The following VPS13D variants were observed in gnomAD, a reference collection of about 807,000 sequenced individuals.
The protein encoded by VPS13D is intermembrane lipid transfer protein VPS13D.
VPS13D carries 187 observed loss-of-function variants against 461.9 expected under a neutral mutation model. The observed-to-expected ratio is 0.40, with a 90% CI of 0.36 to 0.46. The LOEUF is 0.46. VPS13D is among the 20% of genes least tolerant of loss of function. The pLI, the probability that VPS13D is intolerant of heterozygous loss-of-function variation, is 0.60. For missense variants in VPS13D, 4,711 were observed against 5,364.9 expected (o/e 0.88, Z 3.81); for synonymous variants, 1,951 against 1,986.3 (o/e 0.98, Z 0.47).
intron 13 of VPS13D, 70 bp from the exon 14 acceptor site, chr1:12,266,811 A>G (rs1569739951): frequency 7.8e-7 from 1 of 1,283,142 alleles, no homozygotes; most frequent in South Asian, 1.9e-5. Context: ...AAAATAGAAT[A>G]TCTAATATTT....
Position 12,242,597 on chromosome 1 carries a change from G to A in VPS13D, c.175+7G>A. The A allele has an allele frequency of 6.2e-7, 1 of 1,612,732 alleles. No individual in the cohort carries two copies. Among genetic ancestry groups the A allele is most frequent in the Non-Finnish European group, 8.5e-7 (1 of 1,178,836 alleles). ...CCATTTGAAGTCAAAGCTGGTATGT[G>A]GAACTAAAGGAGGGGGAAGAAATTT... On this transcript the variant is annotated splice_region_variant and intron_variant, in intron 3 of 69. Transcript: ENST00000620676.
chr1:12,304,519 C>T lies in VPS13D; in HGVS notation c.6230C>T (p.Ser2077Leu), dbSNP rs750533222. ...FSLQDKESVP[S>L]ASPTGIPKHS... Reference sequence around the variant, plus strand: ...GTTCCTTCCCAGGAATCTGTGCCTTCAGCTTCCCCAACGGGTATTCCCAAA... The same window carrying T: ...GTTCCTTCCCAGGAATCTGTGCCTTTAGCTTCCCCAACGGGTATTCCCAAA... The change falls in exon 26 of 70, where the codon TCA (serine) becomes TTA (leucine). Residue 2077 changes from serine (S) to leucine (L), a missense_variant. This residue lies in a region of VPS13D where 4,411 missense variants were observed against 4,937.8 expected (regional missense o/e 0.89). Transcript: ENST00000620676. 6 of 1,613,670 alleles carry T rather than the reference C, an allele frequency of 3.7e-6. No individual in the cohort carries two copies. The South Asian group carries it at 6.6e-5, about 18-fold the overall frequency.
At position 12,497,174 on chromosome 1, in the gene VPS13D, A is replaced by G. The variant is rs535639041; in HGVS notation, c.12663-326A>G. ...TCCGCCAGGAGCAGGCTTGGCGGGC[A>G]CTGTTTTATTTGGTCTTCACAGCAG... On this transcript the variant is annotated intron_variant, in intron 67 of 69. Coordinates refer to ENST00000620676, the MANE Select transcript of VPS13D (RefSeq NM_015378.4). 1.1e-4 allele frequency: 18 copies of G among 165,124 alleles called. No individual in the cohort carries two copies. In the South Asian group the frequency reaches 1.7e-3, roughly 15 times the overall value. 10.2% of individuals were successfully genotyped at this position (165,124 alleles called of 1,614,324 possible).
chr1:12,458,422 G>A (rs1316955481), intron 66 of VPS13D, among the ~76,000 whole-genome samples: 1 of 152,140 alleles, frequency 6.6e-6, no homozygotes, highest in Non-Finnish European at 1.5e-5. Context: ...TTGGGAAAGG[G>A]CTGGGTGCAG....
chr1:12,350,091 A>G (rs1237986256), intron 46 of VPS13D, among the ~76,000 whole-genome samples: 1 of 152,226 alleles, frequency 6.6e-6, no homozygotes, highest in East Asian at 1.9e-4. Flanking sequence ...TACATCAAAT[A>G]CATAGCTGGA....
chr1:12,383,290 A>T, intron 58 of VPS13D, 135 bp downstream of exon 58: 3 of 940,988 alleles, frequency 3.2e-6, no homozygotes. Flanking sequence ...TAAAATGGGG[A>T]TAGGATCTAC....
intron 64 of VPS13D, among the ~76,000 whole-genome samples, chr1:12,415,529 C>T (rs77117300): frequency 6.6e-6 from 1 of 151,760 alleles, no homozygotes; most frequent in East Asian, 1.9e-4. Flanking sequence ...TTTTTATTTA[C>T]CAGGCATGGG....
intron 67 of VPS13D, among the ~76,000 whole-genome samples, chr1:12,484,369 T>G (rs1287835423): frequency 6.6e-6 from 1 of 152,140 alleles, no homozygotes; most frequent in African/African-American, 2.4e-5. Context: ...TCCTCCCAAT[T>G]GGATTGTGAG....
At chr1:12,301,181 T>G (rs1642414203) in intron 25 of VPS13D, among the ~76,000 whole-genome samples, 1 of 152,248 alleles carries the variant, frequency 6.6e-6, no homozygotes, top group African/African-American at 2.4e-5. Flanking sequence ...ACCAGATGTG[T>G]TGGGTTTTCC....
At position 12,282,705 on chromosome 1, in the gene VPS13D, G is replaced by A. The variant is rs757123046; in HGVS notation, c.4603G>A (p.Val1535Met). 1 of 1,597,622 alleles carries A rather than the reference G, an allele frequency of 6.3e-7. No individual in the cohort carries two copies. The highest frequency in any genetic ancestry group is 8.6e-7 in the Non-Finnish European group (1 of 1,168,074). Residue 1535 changes from valine to methionine, a missense_variant and splice_region_variant, in exon 21 of 70, where the codon GTG (valine) becomes ATG (methionine). By Grantham distance (21) the Val-to-Met change is conservative. Transcript: ENST00000620676. The part of the protein sequence containing the change: ...IEGKFVNPVQ[V>M]VLAKHVYEQV... ...CTGAATTTTTCTCTTTTCAATACAG[G>A]TGGTGTTAGCAAAGCATGTATATGA...
chr1:12,389,184 A>G (rs1644390334), intron 60 of VPS13D, among the ~76,000 whole-genome samples: 1 of 152,160 alleles, frequency 6.6e-6, no homozygotes, highest in African/African-American at 2.4e-5. Flanking sequence ...TGCCTGCTTT[A>G]TATTTGCTGG....
At chr1:12,324,777 G>A (rs912335292) in intron 35 of VPS13D, among the ~76,000 whole-genome samples, 5 of 152,210 alleles carry the variant, frequency 3.3e-5, no homozygotes, top group African/African-American at 9.6e-5. Context: ...TGATAATTAT[G>A]ACCATTTATT....
intron 39 of VPS13D, 38 bp downstream of exon 39, chr1:12,335,865 T>C: frequency 6.2e-7 from 1 of 1,612,780 alleles, no homozygotes; most frequent in African/African-American, 1.3e-5. Flanking sequence ...CTAAATCACT[T>C]TTGACCTACA....
At chr1:12,430,938 T>C (rs922372706) in intron 65 of VPS13D, among the ~76,000 whole-genome samples, 31 of 152,064 alleles carry the variant, frequency 2.0e-4, no homozygotes, top group African/African-American at 7.0e-4. Flanking sequence ...TACAGAAGAG[T>C]TGCTTAGAAA....
At chr1:12,339,275 G>A (rs1006769260) in intron 40 of VPS13D, among the ~76,000 whole-genome samples, 6 of 152,192 alleles carry the variant, frequency 3.9e-5, no homozygotes, top group African/African-American at 1.4e-4. Context: ...AGGACAGTGA[G>A]GTTCAGAGAC....
chr1:12,271,086 C>T lies in VPS13D; in HGVS notation c.2065C>T (p.Arg689Trp), dbSNP rs775767366. ...KLKMQTKAEI[R>W]QTLDRLLVGD... ...GAAGATGCAGACCAAGGCAGAAATC[C>T]GGCAAACTCTTGATCGTTTGCTAGT... The change falls in exon 17 of 70, where the codon CGG becomes TGG. Residue 689 changes from arginine to tryptophan, a missense_variant. Coordinates refer to ENST00000620676, the MANE Select transcript of VPS13D (RefSeq NM_015378.4). The T allele has an allele frequency of 6.8e-6, 11 of 1,613,842 alleles. No homozygotes were observed. The highest frequency in any genetic ancestry group is 1.1e-5 in the South Asian group (1 of 91,078).
At chr1:12,408,571 C>T (rs544472803) in intron 63 of VPS13D, among the ~76,000 whole-genome samples, 13 of 152,276 alleles carry the variant, frequency 8.5e-5, no homozygotes, top group African/African-American at 3.1e-4. Flanking sequence ...TACCATGTTG[C>T]CCAGGCTGGT....
chr1:12,403,252 A>T (rs1049496463), intron 62 of VPS13D, among the ~76,000 whole-genome samples: 2 of 152,226 alleles, frequency 1.3e-5, no homozygotes, highest in Non-Finnish European at 2.9e-5. Flanking sequence ...CTTTTATTTC[A>T]TGAGATGGCA....
rs767437984 is a variant in VPS13D, at chr1:12,497,562, G to A, written c.12725G>A (p.Arg4242Gln). ...CCTGPQGLLP[R>Q]YSESQAEGQE... ...ACGGGGCCCCAGGGGCTGCTTCCCC[G>A]ATATTCTGAGAGCCAGGCGGAAGGA... The change falls in exon 68 of 70, where the codon CGA (arginine) becomes CAA (glutamine). Residue 4242 changes from arginine to glutamine, a missense_variant. Around this residue, in one of 3 missense-constraint regions of VPS13D, gnomAD observed 194 missense variants for 220.9 expected, o/e 0.88. Coordinates refer to ENST00000620676, the MANE Select transcript of VPS13D (RefSeq NM_015378.4). 5.6e-6 allele frequency: 9 copies of A among 1,613,996 alleles called. No individual in the cohort carries two copies. The highest frequency in any genetic ancestry group is 2.2e-5 in the South Asian group (2 of 91,082).
Sources: allele counts gnomAD v4.1 joint callset (sites outside exome capture counted in the v4.1 genomes callset), GRCh38; gene constraint gnomAD v4.1.1; regional missense constraint gnomAD v4.1.1; transcripts MANE v1.5; gene names NCBI Gene and HGNC (gene_info 2026-07-23, HGNC 2026-07-21).